ROBO2: variants seen among roughly 807,000 people sequenced by gnomAD.
The protein encoded by ROBO2 is roundabout guidance receptor 2, also known as roundabout homolog 2.
ROBO2 carries 53 observed loss-of-function variants against 160.8 expected under a neutral mutation model. The ratio of observed to expected loss-of-function variants is 0.33; its 90% confidence interval spans 0.26 to 0.41. ROBO2 has a LOEUF of 0.41. Among genes scored for constraint, ROBO2 ranks in the 10% least tolerant of loss-of-function variants. ROBO2 has a pLI of 1.00. For missense variants in ROBO2, 1,577 were observed against 1,722.4 expected, an observed-to-expected ratio of 0.92 and a Z score of 1.49; for synonymous variants, 664 against 611.7, an observed-to-expected ratio of 1.09 and a Z score of -1.26.
intron 2 of ROBO2, among the ~76,000 whole-genome samples, chr3:77,321,235 G>A (rs1489839986): frequency 6.6e-6 from 1 of 152,034 alleles, no homozygotes; most frequent in African/African-American, 2.4e-5. Context: ...AAATATTTTA[G>A]GCTGGGCACA....
At chr3:76,613,422 C>T (rs976661167) in intron 2 of ROBO2, among the ~76,000 whole-genome samples, 2 of 152,080 alleles carry the variant, frequency 1.3e-5, no homozygotes, top group African/African-American at 2.4e-5. Context: ...ATAAAACTCT[C>T]ATAAGGAAGC....
At chr3:77,600,218 C>T (rs2094403497) in intron 19 of ROBO2, among the ~76,000 whole-genome samples, 1 of 152,184 alleles carries the variant, frequency 6.6e-6, no homozygotes, top group African/African-American at 2.4e-5. Flanking sequence ...TCCAAATCAT[C>T]TGGTATTATA....
At chr3:77,602,834 C>T (rs9852724) in intron 20 of ROBO2, 59,265 of 470,188 alleles carry the variant, frequency 0.13, 4,187 homozygotes, top group Admixed American at 0.2. Flanking sequence ...TCCACTCTCC[C>T]ACAACATCTG....
At chr3:76,403,462 A>G (rs1456854179) in intron 2 of ROBO2, among the ~76,000 whole-genome samples, 3 of 151,612 alleles carry the variant, frequency 2.0e-5, no homozygotes, top group East Asian at 1.9e-4. Context: ...ACAGGTTGTT[A>G]GAACAATTTC....
Position 77,384,068 on chromosome 3 carries a change from A to T in ROBO2, c.389-93346A>T, listed in dbSNP as rs371720198. On this transcript the variant is annotated intron_variant, in intron 2 of 25. Coordinates refer to ENST00000461745, the Ensembl canonical transcript of ROBO2. ...ATTTTCAGATGTAGTATGGTGTAAA[A>T]TATGTTCACAAATAAACCTAAAAAG... is the stretch of plus-strand genomic sequence containing the variant. Among the ~76,000 whole-genome samples the T allele has an allele frequency of 4.0e-3, 606 of 152,280 alleles. 5 individuals carry two copies. Among genetic ancestry groups the T allele is most frequent in the African/African-American group, 0.014 (584 of 41,562 alleles).
chr3:76,433,736 T>C (rs1229232284), intron 2 of ROBO2, among the ~76,000 whole-genome samples: 1 of 152,210 alleles, frequency 6.6e-6, no homozygotes, highest in East Asian at 1.9e-4. Flanking sequence ...AGAACACGCA[T>C]AATAGCCAAG....
intron 2 of ROBO2, among the ~76,000 whole-genome samples, chr3:76,833,692 C>T (rs550030913): frequency 6.6e-6 from 1 of 152,276 alleles, no homozygotes; most frequent in East Asian, 1.9e-4. Flanking sequence ...CTCTTTTTCT[C>T]ACTGTCCAAT....
intron 2 of ROBO2, among the ~76,000 whole-genome samples, chr3:76,496,424 C>T (rs924781419): frequency 4.6e-5 from 7 of 152,318 alleles, no homozygotes; most frequent in Non-Finnish European, 8.8e-5. Flanking sequence ...TTGTGAATGC[C>T]TCAGATTCTG....
intron 2 of ROBO2, among the ~76,000 whole-genome samples, chr3:76,978,453 A>T (rs1035791096): frequency 1.3e-5 from 2 of 152,150 alleles, no homozygotes; most frequent in African/African-American, 4.8e-5. Context: ...GATTTTTAGG[A>T]ATATATTTGA....
chr3:76,448,335 C>A (rs1193428601), intron 2 of ROBO2, among the ~76,000 whole-genome samples: 1 of 152,020 alleles, frequency 6.6e-6, no homozygotes, highest in African/African-American at 2.4e-5. Context: ...TATCTTGCAA[C>A]TGATAATGTG....
chr3:76,511,732 A>T (rs1324629970), intron 2 of ROBO2, among the ~76,000 whole-genome samples: 2 of 152,220 alleles, frequency 1.3e-5, no homozygotes, highest in African/African-American at 4.8e-5. Context: ...TGTTCACAGA[A>T]GATAATGAAC....
rs143828614 is a variant in ROBO2 at position 77,231,715 on chromosome 3, T to C, written c.388+133375T>C. Among the ~76,000 whole-genome samples, 477 of 152,302 alleles carry C rather than the reference T, an allele frequency of 3.1e-3. 2 individuals are homozygous for C. The highest frequency in any genetic ancestry group is 0.011 in the African/African-American group (462 of 41,564). On this transcript the variant is annotated intron_variant, in intron 2 of 25. Coordinates refer to ENST00000461745, the Ensembl canonical transcript of ROBO2. ...ATTGGTGTTTCTATTTCTCATCCTG[T>C]CAGCCTTCTCTGGAGTGTTATTTTG...
intron 2 of ROBO2, among the ~76,000 whole-genome samples, chr3:76,950,792 C>T (rs1559752894): frequency 6.6e-6 from 1 of 152,094 alleles, no homozygotes; most frequent in Non-Finnish European, 1.5e-5. Context: ...AGTTGTGCAA[C>T]CACAGCTCAC....
intron 2 of ROBO2, among the ~76,000 whole-genome samples, chr3:76,795,813 C>G (rs1157929500): frequency 6.6e-6 from 1 of 152,012 alleles, no homozygotes; most frequent in African/African-American, 2.4e-5. Flanking sequence ...AGTACTTTGT[C>G]CAGATACATC....
At chr3:76,563,626 AAAAG>A (rs1251640347) in intron 2 of ROBO2, among the ~76,000 whole-genome samples, 4 of 152,186 alleles carry the variant, frequency 2.6e-5, no homozygotes, top group African/African-American at 7.2e-5. Context: ...TGTTAATGGT[AAAAG>A]AAGTTTGTAA....
At chr3:77,010,856 C>CCCTG (rs1467363048) in intron 2 of ROBO2, among the ~76,000 whole-genome samples, 1 of 95,072 alleles carries the variant, frequency 1.1e-5, no homozygotes, top group African/African-American at 3.9e-5. Context: ...CTCCCTCTCT[C>CCCTG]CCTCCCTCCC....
chr3:77,320,050 T>C, intron 2 of ROBO2, among the ~76,000 whole-genome samples: 1 of 152,216 alleles, frequency 6.6e-6, no homozygotes, highest in East Asian at 1.9e-4. Context: ...GTTCAAATCA[T>C]GGTAGTATAA....
chr3:76,901,254 A>T, intron 2 of ROBO2, among the ~76,000 whole-genome samples: 1 of 152,004 alleles, frequency 6.6e-6, no homozygotes, highest in African/African-American at 2.4e-5. Flanking sequence ...TTACATATTT[A>T]ACTTTTAATT....
At chr3:76,455,854 C>T (rs566739530) in intron 2 of ROBO2, among the ~76,000 whole-genome samples, 1 of 152,254 alleles carries the variant, frequency 6.6e-6, no homozygotes, top group Admixed American at 6.5e-5. Context: ...GTCTGCATGT[C>T]ATGTCTGGCT....
Sources: gnomAD v4.1 joint callset for allele counts (sites outside exome capture counted in the v4.1 genomes callset) on GRCh38, gnomAD v4.1.1 for gene constraint, MANE v1.5 for transcripts, NCBI Gene and HGNC (gene_info 2026-07-23, HGNC 2026-07-21) for gene names.